Variants in CSMD1 observed in about 807,000 individuals in gnomAD.
CSMD1 encodes CUB and sushi domain-containing protein 1.
In CSMD1, 213 loss-of-function variants were observed where a neutral mutation model predicts 417.5. That is an observed-to-expected ratio of 0.51 (90% confidence interval 0.46 to 0.57). The LOEUF is 0.57. Among genes scored for constraint, CSMD1 ranks in the 20% least tolerant of loss-of-function variants. The probability of loss-of-function intolerance (pLI) is 0.00; values close to 1 mark genes in which losing one functional copy is unlikely to be tolerated. For synonymous variants in CSMD1, 2,862 were observed against 1,736.8 expected (o/e 1.65, Z -16.11); for missense variants, 6,923 against 4,529.7 (o/e 1.53, Z -15.17).
At chr8:2,960,804 A>G (rs533516559) in intron 62 of CSMD1, among the ~76,000 whole-genome samples, 1 of 152,054 alleles carries the variant, frequency 6.6e-6, no homozygotes, top group South Asian at 2.1e-4. Flanking sequence ...AGTTACCCCA[A>G]TCTGAGAACT....
At chr8:4,039,423 AC>A (rs1797775471) in intron 3 of CSMD1, among the ~76,000 whole-genome samples, 7 of 152,244 alleles carry the variant, frequency 4.6e-5, no homozygotes, top group African/African-American at 1.4e-4. Context: ...TTTCAGGATC[AC>A]ATTAAAAAAT....
chr8:3,606,402 T>C (rs115414212), intron 8 of CSMD1, among the ~76,000 whole-genome samples: 1,606 of 152,272 alleles, frequency 0.011, 34 homozygotes, highest in African/African-American at 0.036. Flanking sequence ...CTGTAGGCAA[T>C]TGAACACAAT....
At chr8:4,897,214 A>T (rs957701790) in intron 1 of CSMD1, among the ~76,000 whole-genome samples, 8 of 152,074 alleles carry the variant, frequency 5.3e-5, no homozygotes, top group African/African-American at 1.7e-4. Flanking sequence ...AAAACTCACA[A>T]CACGTCTGTT....
intron 2 of CSMD1, among the ~76,000 whole-genome samples, chr8:4,463,371 C>A (rs947535391): frequency 2.0e-5 from 3 of 152,136 alleles, no homozygotes; most frequent in Non-Finnish European, 2.9e-5. Context: ...GTAAAATACT[C>A]CGGAAGTTCG....
chr8:3,042,601 G>C (rs57357556), intron 50 of CSMD1, among the ~76,000 whole-genome samples: 1,871 of 152,186 alleles, frequency 0.012, 35 homozygotes, highest in African/African-American at 0.043. Flanking sequence ...GAGCATAAAA[G>C]GACCATCTTC....
rs1047251769 is a variant in CSMD1 at position 4,238,422 on chromosome 8, C to A, written c.415+181531G>T. ...GAGCACACATGGTATACCCTAGAGT[C>A]ACAAATCAATACTGTGATTCCCTCA... is the stretch of plus-strand genomic sequence containing the variant. On this transcript the variant is annotated intron_variant, in intron 3 of 69. Transcript: ENST00000635120. 2.0e-5 allele frequency among the ~76,000 whole-genome samples: 3 copies of A among 152,160 alleles called. No homozygotes were observed. In the East Asian group the frequency reaches 5.8e-4, roughly 29 times the overall value.
intron 1 of CSMD1, among the ~76,000 whole-genome samples, chr8:4,794,416 A>T (rs1357805651): frequency 1.3e-5 from 2 of 152,174 alleles, no homozygotes; most frequent in Non-Finnish European, 2.9e-5. Flanking sequence ...ACATTTAATT[A>T]TCTTATTTAT....
intron 3 of CSMD1, among the ~76,000 whole-genome samples, chr8:4,209,806 C>G (rs956161715): frequency 2.0e-5 from 3 of 152,166 alleles, no homozygotes; most frequent in Non-Finnish European, 2.9e-5. Context: ...CTGTTCTACA[C>G]TCATATTTAT....
chr8:3,931,811 C>T (rs1810166317), intron 5 of CSMD1, among the ~76,000 whole-genome samples: 1 of 147,624 alleles, frequency 6.8e-6, no homozygotes, highest in Non-Finnish European at 1.5e-5. Flanking sequence ...GGCAATGGGA[C>T]TTCCTATTCA....
Position 3,926,509 on chromosome 8 carries a change from A to G in CSMD1, c.818+71394T>C, listed in dbSNP as rs928758883. On this transcript the variant is annotated intron_variant, in intron 5 of 69. Transcript: ENST00000635120. The stretch of plus-strand genomic sequence containing the variant: ...TTAGTATTTTAATACTAAATTCTTT[A>G]TTATTTTTCACTTACAAAAAGCAAA... 6.6e-5 allele frequency among the ~76,000 whole-genome samples: 10 copies of G among 151,832 alleles called. 1 individual carries two copies. Among genetic ancestry groups the G allele is most frequent in the Admixed American group, 4.6e-4 (7 of 15,162 alleles).
intron 2 of CSMD1, among the ~76,000 whole-genome samples, chr8:4,488,158 G>C (rs1038199060): frequency 6.6e-6 from 1 of 152,230 alleles, no homozygotes; most frequent in East Asian, 1.9e-4. Flanking sequence ...CTTGATCTTC[G>C]ACTTACAGCT....
chr8:3,867,626 T>A (rs1035111667), intron 5 of CSMD1, among the ~76,000 whole-genome samples: 1 of 152,120 alleles, frequency 6.6e-6, no homozygotes, highest in South Asian at 2.1e-4. Context: ...TATATCTATA[T>A]ATTTATATAT....
At chr8:3,283,199 C>T (rs910760647) in intron 26 of CSMD1, among the ~76,000 whole-genome samples, 4 of 152,086 alleles carry the variant, frequency 2.6e-5, no homozygotes, top group Admixed American at 6.6e-5. Context: ...AAAAAATTCA[C>T]GGACCGTCCT....
At chr8:3,638,656 T>C (rs537690220) in intron 7 of CSMD1, among the ~76,000 whole-genome samples, 29 of 152,110 alleles carry the variant, frequency 1.9e-4, no homozygotes, top group Non-Finnish European at 3.7e-4. Context: ...GGGCAAGATG[T>C]ACCTAGAAAG....
chr8:3,809,553 G>T (rs752763265), intron 5 of CSMD1, among the ~76,000 whole-genome samples: 7 of 152,074 alleles, frequency 4.6e-5, no homozygotes, highest in African/African-American at 1.7e-4. Context: ...GCCATGCATC[G>T]GATTCACTGG....
intron 3 of CSMD1, among the ~76,000 whole-genome samples, chr8:4,118,751 C>A (rs967199759): frequency 3.3e-5 from 5 of 152,102 alleles, no homozygotes; most frequent in African/African-American, 1.2e-4. Context: ...GGTATATGCC[C>A]AAAGGAATAT....
At chr8:4,439,808 T>C (rs539031340) in intron 2 of CSMD1, among the ~76,000 whole-genome samples, 1 of 152,232 alleles carries the variant, frequency 6.6e-6, no homozygotes, top group South Asian at 2.1e-4. Flanking sequence ...GAGATGTAAA[T>C]TCAGGGGTGA....
intron 27 of CSMD1, among the ~76,000 whole-genome samples, chr8:3,227,924 C>T (rs570027204): frequency 4.6e-5 from 7 of 152,046 alleles, no homozygotes; most frequent in East Asian, 1.9e-4. Flanking sequence ...TGCACCACCA[C>T]CCCTGGCCAA....
chr8:4,367,683 C>T (rs1802159492), intron 3 of CSMD1, among the ~76,000 whole-genome samples: 1 of 152,076 alleles, frequency 6.6e-6, no homozygotes, highest in African/African-American at 2.4e-5. Flanking sequence ...TTGAGTCTTC[C>T]TGACCATGAG....
Sources: gnomAD v4.1 joint callset for allele counts (sites outside exome capture counted in the v4.1 genomes callset) on GRCh38, gnomAD v4.1.1 for gene constraint, MANE v1.5 for transcripts, NCBI Gene and HGNC (gene_info 2026-07-23, HGNC 2026-07-21) for gene names.